The following RANBP2 variants were observed in gnomAD, a reference collection of about 807,000 sequenced individuals.
RANBP2 encodes the protein RAN binding protein 2.
RANBP2 carries 57 observed loss-of-function variants against 303.6 expected under a neutral mutation model. That is an observed-to-expected ratio of 0.19 (90% CI 0.15 to 0.23). The LOEUF (loss-of-function observed/expected upper bound fraction) is 0.23, where lower values mean the gene tolerates loss of function less well. RANBP2 is among the 10% of genes least tolerant of loss of function. The probability of loss-of-function intolerance (pLI) is 1.00; values close to 1 mark genes in which losing one functional copy is unlikely to be tolerated. For synonymous variants in RANBP2, 1,167 were observed against 1,301.5 expected (o/e 0.90, Z 2.23); for missense variants, 3,138 against 3,780.8 (o/e 0.83, Z 4.46).
the RANBP2 span, among the ~76,000 whole-genome samples, chr2:109,183,681 G>C: frequency 6.6e-6 from 1 of 152,170 alleles, no homozygotes; most frequent in Admixed American, 6.5e-5. Flanking sequence ...GTTCATCCCT[G>C]AAAACAAAAA....
At chr2:108,883,753 G>T in the RANBP2 span, 1 of 152,344 alleles carries the variant, frequency 6.6e-6, no homozygotes, top group Admixed American at 6.5e-5. Context: ...CATCCCCCAG[G>T]GCACAGTGCT....
chr2:108,862,491 G>C, the RANBP2 span, among the ~76,000 whole-genome samples: 3 of 152,114 alleles, frequency 2.0e-5, no homozygotes, highest in African/African-American at 7.2e-5. Context: ...ATAATGTGGT[G>C]ATTACAGTTA....
the RANBP2 span, among the ~76,000 whole-genome samples, chr2:109,380,824 A>T: frequency 3.5e-4 from 54 of 152,184 alleles, no homozygotes; most frequent in African/African-American, 1.2e-3. Context: ...AACTTTTTAG[A>T]TTCCTCCCAA....
chr2:108,753,196 A>C (rs2149230893), intron 13 of RANBP2, 37 bp downstream of exon 13: 1 of 1,611,436 alleles, frequency 6.2e-7, no homozygotes, highest in Non-Finnish European at 8.5e-7. Context: ...TGGAGATGGG[A>C]ATTTCCAGTT....
the RANBP2 span, among the ~76,000 whole-genome samples, chr2:109,320,303 C>A: frequency 1.3e-4 from 20 of 152,314 alleles, no homozygotes; most frequent in African/African-American, 3.8e-4. Context: ...TGCACAGCAG[C>A]CAGTGGCCAC....
At chr2:109,220,120 T>C in the RANBP2 span, among the ~76,000 whole-genome samples, 1 of 152,226 alleles carries the variant, frequency 6.6e-6, no homozygotes, top group Non-Finnish European at 1.5e-5. Flanking sequence ...AAACAAACTG[T>C]CACATGTATG....
chr2:109,139,259 G>A, the RANBP2 span, among the ~76,000 whole-genome samples: 1 of 152,138 alleles, frequency 6.6e-6, no homozygotes, highest in African/African-American at 2.4e-5. Context: ...CATCAAGAAT[G>A]TAGATTGTGC....
chr2:109,582,275 C>T, the RANBP2 span, among the ~76,000 whole-genome samples: 7 of 152,210 alleles, frequency 4.6e-5, 1 homozygote, highest in South Asian at 2.1e-4. Context: ...ATAGTTAAAA[C>T]GGCCATACTA....
the RANBP2 span, among the ~76,000 whole-genome samples, chr2:109,108,196 C>T: frequency 6.6e-6 from 1 of 151,952 alleles, no homozygotes; most frequent in Non-Finnish European, 1.5e-5. Flanking sequence ...TGAGCCAGGA[C>T]GCCCGGCCTA....
the RANBP2 span, among the ~76,000 whole-genome samples, chr2:109,482,526 C>T: frequency 6.6e-6 from 1 of 152,234 alleles, no homozygotes; most frequent in African/African-American, 2.4e-5. Flanking sequence ...AGCTCCCTGA[C>T]ACCGTGGTGA....
the RANBP2 span, among the ~76,000 whole-genome samples, chr2:109,588,963 G>A: frequency 6.6e-6 from 1 of 151,060 alleles, no homozygotes; most frequent in African/African-American, 2.4e-5. Flanking sequence ...AGAAGAAAAT[G>A]AAAGGACAAT....
the RANBP2 span, among the ~76,000 whole-genome samples, chr2:109,333,288 T>G: frequency 6.6e-6 from 1 of 152,244 alleles, no homozygotes; most frequent in Non-Finnish European, 1.5e-5. Context: ...AAAAGAGCCC[T>G]AGCATATCCT....
the RANBP2 span, among the ~76,000 whole-genome samples, chr2:109,095,977 C>A: frequency 2.6e-5 from 4 of 152,082 alleles, no homozygotes; most frequent in Non-Finnish European, 5.9e-5. Context: ...TTCATGCTGC[C>A]CTCATTGGGT....
the RANBP2 span, among the ~76,000 whole-genome samples, chr2:109,441,541 C>G: frequency 6.6e-6 from 1 of 152,124 alleles, no homozygotes; most frequent in Non-Finnish European, 1.5e-5. Context: ...TGAATGGAAT[C>G]CGTGAGCAAT....
the RANBP2 span, among the ~76,000 whole-genome samples, chr2:108,819,504 G>A: frequency 2.0e-4 from 30 of 152,018 alleles, no homozygotes; most frequent in African/African-American, 6.5e-4. Context: ...TAAGAGCTGC[G>A]GAGATCTGCA....
chr2:109,516,359 G>A, the RANBP2 span, among the ~76,000 whole-genome samples: 4 of 152,224 alleles, frequency 2.6e-5, no homozygotes, highest in Admixed American at 6.5e-5. Flanking sequence ...TGGCCATGAC[G>A]GGACATGTTC....
the RANBP2 span, among the ~76,000 whole-genome samples, chr2:109,561,971 TCAAGGCCAGGAATTCCTGACCC>T: frequency 0.064 from 9,758 of 151,996 alleles, 742 homozygotes; most frequent in East Asian, 0.24. Context: ...CCCCAGGAAT[TCAAGGCCAGGAATTCCTGACCC>T]CAAGGCCAGG....
chr2:109,744,497 G>A, the RANBP2 span, among the ~76,000 whole-genome samples: 7 of 91,134 alleles, frequency 7.7e-5, 2 homozygotes, highest in African/African-American at 1.8e-4. Flanking sequence ...TTTGTCAGAC[G>A]TGTAGTTTGC....
At chr2:108,796,591 G>T in the RANBP2 span, among the ~76,000 whole-genome samples, 2 of 152,082 alleles carry the variant, frequency 1.3e-5, no homozygotes, top group Non-Finnish European at 2.9e-5. Flanking sequence ...GTGTCCATTG[G>T]CAGATAAAGA....
Sources: allele counts gnomAD v4.1 joint callset (sites outside exome capture counted in the v4.1 genomes callset), GRCh38; gene constraint gnomAD v4.1.1; transcripts MANE v1.5; gene names NCBI Gene and HGNC (gene_info 2026-07-23, HGNC 2026-07-21).